SAMD5: variants seen among roughly 807,000 people sequenced by gnomAD.
The protein encoded by SAMD5 is sterile alpha motif domain containing 5.
A neutral mutation model predicts 11.3 loss-of-function variants in SAMD5; 13 were observed. The observed-to-expected ratio is 1.15, with a 90% CI of 0.75 to 1.83. SAMD5 has a LOEUF of 1.83. Ranked by LOEUF, SAMD5 falls within the 40% of genes most tolerant of loss-of-function variation. SAMD5 has a pLI of 0.00. For missense variants in SAMD5, 255 were observed against 239.1 expected, an observed-to-expected ratio of 1.07 and a Z score of -0.44; for synonymous variants, 129 against 111.3, an observed-to-expected ratio of 1.16 and a Z score of -1.00.
At chr6:147,876,446 G>C in the SAMD5 span, among the ~76,000 whole-genome samples, 1 of 152,172 alleles carries the variant, frequency 6.6e-6, no homozygotes, top group African/African-American at 2.4e-5. Flanking sequence ...CAGGGATGGG[G>C]CCAAGAAGTT....
chr6:147,722,719 T>TA (rs1791573086), intron 1 of SAMD5, among the ~76,000 whole-genome samples: 1 of 152,236 alleles, frequency 6.6e-6, no homozygotes, highest in African/African-American at 2.4e-5. Context: ...TTGCTTTTTT[T>TA]ATGTGCCTTG....
intron 1 of SAMD5, among the ~76,000 whole-genome samples, chr6:147,583,584 A>T (rs1255281090): frequency 3.9e-5 from 6 of 152,228 alleles, no homozygotes; most frequent in Non-Finnish European, 8.8e-5. Flanking sequence ...CTGGACCAGC[A>T]TATTAAATTA....
At chr6:147,892,604 A>G in the SAMD5 span, among the ~76,000 whole-genome samples, 2 of 152,032 alleles carry the variant, frequency 1.3e-5, no homozygotes, top group Non-Finnish European at 2.9e-5. Context: ...TCTTTTCCCC[A>G]TCTCTCACAC....
chr6:147,771,798 CATT>C, the SAMD5 span, among the ~76,000 whole-genome samples: 1 of 152,166 alleles, frequency 6.6e-6, no homozygotes, highest in Non-Finnish European at 1.5e-5. Flanking sequence ...CTACTGCAAA[CATT>C]GTTGGAGTTT....
the SAMD5 span, among the ~76,000 whole-genome samples, chr6:147,843,134 G>T: frequency 6.6e-6 from 1 of 152,170 alleles, no homozygotes; most frequent in African/African-American, 2.4e-5. Context: ...AAAGTGCTGG[G>T]ATTACAGGCG....
intron 1 of SAMD5, among the ~76,000 whole-genome samples, chr6:147,545,752 CAG>C (rs1788675497): frequency 6.6e-6 from 1 of 152,048 alleles, no homozygotes; most frequent in African/African-American, 2.4e-5. Flanking sequence ...ATATAAAACA[CAG>C]ACACACACAT....
the SAMD5 span, among the ~76,000 whole-genome samples, chr6:147,896,074 G>A: frequency 6.6e-6 from 1 of 152,212 alleles, no homozygotes; most frequent in East Asian, 1.9e-4. Flanking sequence ...GAACCTCTGT[G>A]TGATTAAATT....
chr6:147,639,670 C>G lies in SAMD5; in HGVS notation c.163-97647C>G, dbSNP rs9390483. Among the ~76,000 whole-genome samples the G allele has an allele frequency of 8.9e-3, 1,360 of 152,338 alleles. 68 individuals are homozygous for G. In the East Asian group the frequency reaches 0.13, roughly 14 times the overall value. Reference sequence around the variant, plus strand: ...GCTTGTGTTCCTTCCTAACTGCTGCCTTTCTGATTAGGAAGCATTGAAAAA... The same window carrying G: ...GCTTGTGTTCCTTCCTAACTGCTGCGTTTCTGATTAGGAAGCATTGAAAAA... On this transcript the variant is annotated intron_variant, in intron 1 of 1. Transcript: ENST00000566741.
At chr6:147,692,110 A>T (rs773908469) in intron 1 of SAMD5, among the ~76,000 whole-genome samples, 1 of 152,184 alleles carries the variant, frequency 6.6e-6, no homozygotes, top group Non-Finnish European at 1.5e-5. Flanking sequence ...GAAATATGGA[A>T]ATTCTAGTGT....
At chr6:147,537,900 A>G (rs953420172) in intron 1 of SAMD5, among the ~76,000 whole-genome samples, 11 of 152,224 alleles carry the variant, frequency 7.2e-5, no homozygotes, top group African/African-American at 2.7e-4. Flanking sequence ...AAAGGAGAAA[A>G]TAAAACCCTT....
the SAMD5 span, among the ~76,000 whole-genome samples, chr6:147,760,083 G>A: frequency 4.4e-3 from 663 of 152,146 alleles, 2 homozygotes; most frequent in Non-Finnish European, 7.1e-3. Flanking sequence ...TAAACATACG[G>A]AATTATAAAA....
chr6:147,911,963 C>A, the SAMD5 span, among the ~76,000 whole-genome samples: 2 of 152,134 alleles, frequency 1.3e-5, no homozygotes, highest in Non-Finnish European at 2.9e-5. Context: ...ATTCATCATG[C>A]TACGACAGAT....
chr6:147,639,504 G>T (rs1790278724), intron 1 of SAMD5, among the ~76,000 whole-genome samples: 1 of 152,200 alleles, frequency 6.6e-6, no homozygotes, highest in Non-Finnish European at 1.5e-5. Flanking sequence ...TCCCCGAGGA[G>T]CTATGGCTCA....
chr6:147,763,511 T>A, the SAMD5 span, among the ~76,000 whole-genome samples: 1 of 151,688 alleles, frequency 6.6e-6, no homozygotes, highest in Admixed American at 6.6e-5. Context: ...CTATTCATAT[T>A]TCCTTAGTTT....
At chr6:147,850,819 A>C in the SAMD5 span, among the ~76,000 whole-genome samples, 1 of 152,104 alleles carries the variant, frequency 6.6e-6, no homozygotes, top group Non-Finnish European at 1.5e-5. Context: ...TTAGTCACCG[A>C]GTAGCAGACT....
intron 1 of SAMD5, among the ~76,000 whole-genome samples, chr6:147,583,978 C>A (rs991044294): frequency 6.6e-6 from 1 of 151,718 alleles, no homozygotes; most frequent in African/African-American, 2.4e-5. Context: ...TTTATATTGC[C>A]AAGTTTAAGA....
At chr6:147,781,357 A>C in the SAMD5 span, among the ~76,000 whole-genome samples, 2 of 152,126 alleles carry the variant, frequency 1.3e-5, no homozygotes, top group South Asian at 2.1e-4. Flanking sequence ...GGGTCTCACT[A>C]TATGTTTTCC....
At chr6:147,636,155 A>G (rs1469007968) in intron 1 of SAMD5, among the ~76,000 whole-genome samples, 2 of 152,196 alleles carry the variant, frequency 1.3e-5, no homozygotes, top group African/African-American at 4.8e-5. Context: ...ATACATTATT[A>G]GAAGACACGA....
intron 1 of SAMD5, among the ~76,000 whole-genome samples, chr6:147,625,037 C>T (rs1790030493): frequency 6.6e-6 from 1 of 152,298 alleles, no homozygotes; most frequent in African/African-American, 2.4e-5. Context: ...AGGGTAGAAG[C>T]AGGCGTGACA....
Sources: allele counts gnomAD v4.1 joint callset (sites outside exome capture counted in the v4.1 genomes callset), GRCh38; gene constraint gnomAD v4.1.1; transcripts MANE v1.5; gene names NCBI Gene and HGNC (gene_info 2026-07-23, HGNC 2026-07-21).